Variants in TNS3 observed in about 807,000 individuals in gnomAD.
TNS3 encodes the protein tensin-3.
A neutral mutation model predicts 140.9 loss-of-function variants in TNS3; 45 were observed. That is an observed-to-expected ratio of 0.32 (90% CI 0.25 to 0.41). The LOEUF (loss-of-function observed/expected upper bound fraction) is 0.41, where lower values mean the gene tolerates loss of function less well. Ranked by LOEUF, TNS3 falls within the 10% of genes least tolerant of loss-of-function variation. TNS3 has a pLI of 1.00. For missense variants in TNS3, 1,716 were observed against 1,906.7 expected (o/e 0.90, Z 1.86); for synonymous variants, 815 against 788.4 (o/e 1.03, Z -0.56).
At chr7:47,546,811 G>A (rs972819747) in intron 1 of TNS3, among the ~76,000 whole-genome samples, 15 of 152,154 alleles carry the variant, frequency 9.9e-5, no homozygotes, top group African/African-American at 3.4e-4. Flanking sequence ...TATAAACTAC[G>A]CGTGTGCCAA....
At chr7:47,496,444 A>C (rs142619822) in intron 3 of TNS3, among the ~76,000 whole-genome samples, 1 of 152,246 alleles carries the variant, frequency 6.6e-6, no homozygotes, top group African/African-American at 2.4e-5. Context: ...CAAGCTGATT[A>C]ATGTCAGGCT....
chr7:47,546,032 T>A (rs1799910938), intron 1 of TNS3, among the ~76,000 whole-genome samples: 1 of 152,174 alleles, frequency 6.6e-6, no homozygotes, highest in Admixed American at 6.5e-5. Flanking sequence ...CCATGAGATC[T>A]GGGGATAGAG....
intron 3 of TNS3, among the ~76,000 whole-genome samples, chr7:47,505,797 G>C (rs554119567): frequency 6.6e-6 from 1 of 152,310 alleles, no homozygotes; most frequent in Admixed American, 6.5e-5. Context: ...TTGTGTGCAT[G>C]TGTATTTATG....
At chr7:47,523,983 G>A (rs1368131581) in intron 2 of TNS3, among the ~76,000 whole-genome samples, 1 of 152,182 alleles carries the variant, frequency 6.6e-6, no homozygotes, top group Non-Finnish European at 1.5e-5. Flanking sequence ...GAACACACAT[G>A]CATGCACTGC....
chr7:47,386,966 C>A (rs1011685170), intron 16 of TNS3, among the ~76,000 whole-genome samples: 1 of 152,216 alleles, frequency 6.6e-6, no homozygotes, highest in African/African-American at 2.4e-5. Flanking sequence ...CCTCACATGC[C>A]CTGCCCTCCA....
At chr7:47,441,951 A>C in intron 5 of TNS3, 52 bp downstream of exon 5, 1 of 1,236,800 alleles carries the variant, frequency 8.1e-7, no homozygotes, top group Non-Finnish European at 1.1e-6. Flanking sequence ...CTCTGTAGAG[A>C]GCTGACCTAC....
At chr7:47,509,958 A>C (rs1798549990) in intron 2 of TNS3, among the ~76,000 whole-genome samples, 1 of 152,198 alleles carries the variant, frequency 6.6e-6, no homozygotes, top group Non-Finnish European at 1.5e-5. Context: ...GTCTCACAAT[A>C]GCAGCACTAA....
chr7:47,545,020 A>G (rs923605959), intron 1 of TNS3, among the ~76,000 whole-genome samples: 1 of 152,090 alleles, frequency 6.6e-6, no homozygotes, highest in Non-Finnish European at 1.5e-5. Flanking sequence ...CTCGAACACT[A>G]AAAACGGAGA....
chr7:47,544,653 A>T (rs148116148), intron 1 of TNS3, among the ~76,000 whole-genome samples: 1 of 151,996 alleles, frequency 6.6e-6, no homozygotes, highest in South Asian at 2.1e-4. Context: ...GAACTGCCTG[A>T]GGTCGCAGAG....
Position 47,276,144 on chromosome 7 carries a change from G to A in TNS3, c.*1932C>T. 5.6e-6 allele frequency: 1 copy of A among 177,504 alleles called. No individual in the cohort carries two copies. The highest frequency in any genetic ancestry group is 1.2e-5 in the Non-Finnish European group (1 of 83,166). 11.0% of individuals were successfully genotyped at this position (177,504 alleles called of 1,614,324 possible). A position where few individuals can be genotyped will look rare whatever the true frequency, so the allele number is the denominator to read the frequency against. ...TAAAGACATCAGGGTCAACACATGA[G>A]GATCTGCTGAAAATGCCAGCACCTC... is the stretch of plus-strand genomic sequence containing the variant. On this transcript the variant is annotated 3_prime_UTR_variant, in exon 31 of 31. Transcript: ENST00000311160.
chr7:47,461,961 T>C (rs1033139886), intron 4 of TNS3, among the ~76,000 whole-genome samples: 14 of 152,292 alleles, frequency 9.2e-5, no homozygotes, highest in Middle Eastern at 3.4e-3. Context: ...CAATGACTCA[T>C]TGTAGATGTA....
intron 4 of TNS3, 51 bp from the exon 5 acceptor site, chr7:47,442,106 T>C (rs1795495123): frequency 8.5e-7 from 1 of 1,170,912 alleles, no homozygotes; most frequent in Non-Finnish European, 1.1e-6. Context: ...CCTGCCAGTC[T>C]ACATGACACA....
intron 2 of TNS3, among the ~76,000 whole-genome samples, chr7:47,524,415 C>T (rs1161309165): frequency 2.6e-5 from 4 of 152,212 alleles, no homozygotes; most frequent in African/African-American, 9.6e-5. Flanking sequence ...AGCTGAGGCG[C>T]CCAGAGCCAC....
At chr7:47,554,748 G>A (rs1490030406) in intron 1 of TNS3, among the ~76,000 whole-genome samples, 2 of 152,150 alleles carry the variant, frequency 1.3e-5, no homozygotes, top group Admixed American at 6.5e-5. Flanking sequence ...AGATGGAATC[G>A]GGCCGAGCAC....
At chr7:47,353,750 C>T (rs1789818209) in intron 17 of TNS3, among the ~76,000 whole-genome samples, 1 of 152,084 alleles carries the variant, frequency 6.6e-6, no homozygotes, top group Non-Finnish European at 1.5e-5. Flanking sequence ...GCCCAGCACC[C>T]CTCCTCCTCC....
At chr7:47,398,481 C>A (rs903598581) in intron 15 of TNS3, among the ~76,000 whole-genome samples, 2 of 152,174 alleles carry the variant, frequency 1.3e-5, no homozygotes, top group African/African-American at 4.8e-5. Context: ...ACACCATGAT[C>A]AAGTGGATTT....
At position 47,506,889 on chromosome 7, in the gene TNS3, A is replaced by G. The variant is rs1396567830; in HGVS notation, c.-115+18T>C. 4.7e-6 allele frequency: 6 copies of G among 1,289,200 alleles called. No individual in the cohort carries two copies. The South Asian group carries it at 7.4e-5, about 16-fold the overall frequency. The allele number at this position is 1,289,200 out of a possible 1,614,324, so 79.9% of individuals were successfully genotyped here. A position where few individuals can be genotyped will look rare whatever the true frequency, so the allele number is the denominator to read the frequency against. ...GTCAGCTATAAAAAGTCCCATGGGA[A>G]AGCAACGGAATGCTTACCTTGGCTT... On this transcript the variant is annotated intron_variant, in intron 3 of 30. Transcript: ENST00000311160.
intron 1 of TNS3, among the ~76,000 whole-genome samples, chr7:47,563,603 G>A (rs1051637448): frequency 9.2e-5 from 14 of 152,172 alleles, no homozygotes; most frequent in African/African-American, 2.7e-4. Flanking sequence ...GCTCTGCCCC[G>A]CTTCTCCAGA....
chr7:47,457,511 A>T (rs1165831434), intron 4 of TNS3, among the ~76,000 whole-genome samples: 1 of 151,476 alleles, frequency 6.6e-6, no homozygotes, highest in Non-Finnish European at 1.5e-5. Context: ...CCAAGAGGCC[A>T]CTCCTCCTAA....
Sources: gnomAD v4.1 joint callset for allele counts (sites outside exome capture counted in the v4.1 genomes callset) on GRCh38, gnomAD v4.1.1 for gene constraint, MANE v1.5 for transcripts, NCBI Gene and HGNC (gene_info 2026-07-23, HGNC 2026-07-21) for gene names.